ITGA9: variants seen among roughly 807,000 people sequenced by gnomAD.
ITGA9 encodes the protein integrin alpha-9.
A neutral mutation model predicts 127.8 loss-of-function variants in ITGA9; 56 were observed. The ratio of observed to expected loss-of-function variants is 0.44; its 90% CI spans 0.35 to 0.55. The LOEUF (loss-of-function observed/expected upper bound fraction) is 0.55, where lower values mean the gene tolerates loss of function less well. Among genes scored for constraint, ITGA9 ranks in the 20% least tolerant of loss-of-function variants. The pLI is 0.00. For missense variants in ITGA9, 1,196 were observed against 1,347.1 expected, an observed-to-expected ratio of 0.89 and a Z score of 1.76; for synonymous variants, 508 against 514.5, an observed-to-expected ratio of 0.99 and a Z score of 0.17.
intron 15 of ITGA9, among the ~76,000 whole-genome samples, chr3:37,566,159 C>G (rs1042361477): frequency 2.6e-5 from 4 of 152,188 alleles, no homozygotes; most frequent in Non-Finnish European, 4.4e-5. Flanking sequence ...AATAGTCCCC[C>G]CTTATCCATT....
intron 14 of ITGA9, among the ~76,000 whole-genome samples, chr3:37,535,531 G>T (rs1699199500): frequency 6.6e-6 from 1 of 152,224 alleles, no homozygotes; most frequent in South Asian, 2.1e-4. Context: ...CATAGCCCCA[G>T]AAGTGTTGGG....
chr3:37,568,557 T>C (rs1699571154), intron 15 of ITGA9, among the ~76,000 whole-genome samples: 1 of 152,248 alleles, frequency 6.6e-6, no homozygotes, highest in Non-Finnish European at 1.5e-5. Flanking sequence ...GTTTTCTTTT[T>C]AAAACTGAAT....
intron 4 of ITGA9, among the ~76,000 whole-genome samples, chr3:37,482,777 G>A (rs1184028615): frequency 6.6e-6 from 1 of 152,220 alleles, no homozygotes; most frequent in Non-Finnish European, 1.5e-5. Context: ...CTCCCCTATA[G>A]AGTGAGCCTT....
intron 27 of ITGA9, among the ~76,000 whole-genome samples, chr3:37,812,491 A>AT (rs1697379998): frequency 3.3e-5 from 5 of 152,220 alleles, no homozygotes; most frequent in Non-Finnish European, 7.3e-5. Context: ...CCCAGAACTC[A>AT]GTCAGGCCTC....
intron 3 of ITGA9, among the ~76,000 whole-genome samples, chr3:37,478,556 A>T (rs1698518108): frequency 6.6e-6 from 1 of 152,158 alleles, no homozygotes. Flanking sequence ...TCTGAGTTTG[A>T]GCAAGTCTTG....
chr3:37,718,988 C>T (rs1219073977), intron 18 of ITGA9, among the ~76,000 whole-genome samples: 4 of 152,186 alleles, frequency 2.6e-5, no homozygotes, highest in African/African-American at 9.7e-5. Flanking sequence ...CCAGGTGGTT[C>T]CAGTGCACAC....
chr3:37,808,114 C>G (rs961502497), intron 27 of ITGA9: 2 of 152,160 alleles, frequency 1.3e-5, no homozygotes, highest in Admixed American at 6.5e-5. Context: ...TCATTCTCTT[C>G]CCACCGCAGA....
Position 37,452,300 on chromosome 3 carries a change from C to T in ITGA9, c.-75C>T, listed in dbSNP as rs1470975019. 7 of 852,092 alleles carry T rather than the reference C, an allele frequency of 8.2e-6. No individual in the cohort carries two copies. Among genetic ancestry groups the T allele is most frequent in the African/African-American group, 1.8e-5 (1 of 54,388 alleles). 52.8% of individuals were successfully genotyped at this position (852,092 alleles called of 1,614,324 possible). A position where few individuals can be genotyped will look rare whatever the true frequency, so the allele number is the denominator to read the frequency against. ...CTCCCGCCCCGGGGAGCTTCCTGGC[C>T]GTCGGCGGGCCCCGCGGCCCGCGCG... On this transcript the variant is annotated 5_prime_UTR_variant, in exon 1 of 28. Coordinates refer to ENST00000264741, the MANE Select transcript of ITGA9 (RefSeq NM_002207.3). This position sits in a 1 kb window ranked among gnomAD's most constrained non-coding sequence, Gnocchi z 7.3.
chr3:37,621,970 ATATT>A (rs1700132822), intron 15 of ITGA9, among the ~76,000 whole-genome samples: 1 of 152,138 alleles, frequency 6.6e-6, no homozygotes, highest in African/African-American at 2.4e-5. Context: ...TGTCAAGTCA[ATATT>A]TATAACTGAA....
chr3:37,823,215 ATGT>A lies in ITGA9; in HGVS notation c.*4234_*4236del, dbSNP rs1697534620. 6.6e-6 allele frequency: 1 copy of A among 152,142 alleles called. No individual in the cohort carries two copies. The highest frequency in any genetic ancestry group is 2.1e-4 in the South Asian group (1 of 4,826). 9.4% of individuals were successfully genotyped at this position (152,142 alleles called of 1,614,324 possible). ...CTGTGTTAAGGTTTTTTCTTTGTTGATGTTGTTGTTTTAATTCTAATGTGCACG... is the reference window on the plus strand; with the variant it reads ...CTGTGTTAAGGTTTTTTCTTTGTTGATGTTGTTTTAATTCTAATGTGCACG... On this transcript the variant is annotated 3_prime_UTR_variant, in exon 28 of 28. Coordinates refer to ENST00000264741, the MANE Select transcript of ITGA9 (RefSeq NM_002207.3).
At chr3:37,453,847 C>T (rs1265088787) in intron 1 of ITGA9, among the ~76,000 whole-genome samples, 1 of 152,204 alleles carries the variant, frequency 6.6e-6, no homozygotes, top group African/African-American at 2.4e-5. Context: ...AGGAGATCAG[C>T]CTTCAAGAGA....
intron 18 of ITGA9, among the ~76,000 whole-genome samples, chr3:37,711,386 G>T (rs2125678743): frequency 6.6e-6 from 1 of 152,280 alleles, no homozygotes; most frequent in East Asian, 1.9e-4. Flanking sequence ...TGACCTCTCA[G>T]AAGTCACATA....
chr3:37,556,150 G>A (rs1378553614), intron 15 of ITGA9, among the ~76,000 whole-genome samples: 1 of 152,184 alleles, frequency 6.6e-6, no homozygotes, highest in Admixed American at 6.5e-5. Context: ...GCCAGGCCAG[G>A]GTGGACCAGG....
intron 15 of ITGA9, among the ~76,000 whole-genome samples, chr3:37,621,983 A>C (rs1700132913): frequency 6.6e-6 from 1 of 152,148 alleles, no homozygotes; most frequent in East Asian, 1.9e-4. Flanking sequence ...TTTATAACTG[A>C]ACTAGTTCAA....
At chr3:37,667,505 GC>G (rs2125654774) in intron 17 of ITGA9, among the ~76,000 whole-genome samples, 1 of 152,316 alleles carries the variant, frequency 6.6e-6, no homozygotes, top group African/African-American at 2.4e-5. Flanking sequence ...AGATCCCTGA[GC>G]CCTGCATCAT....
chr3:37,481,427 G>T, intron 3 of ITGA9, 57 bp from the exon 4 acceptor site: 2 of 1,611,436 alleles, frequency 1.2e-6, no homozygotes, highest in Non-Finnish European at 1.7e-6. Flanking sequence ...ACAGGAGTCT[G>T]CTTTGTGATC....
rs1228465986 is a variant in ITGA9 at position 37,550,294 on chromosome 3, G to A, written c.1689+7709G>A. 2.0e-5 allele frequency among the ~76,000 whole-genome samples: 3 copies of A among 152,196 alleles called. No individual in the cohort carries two copies. In the East Asian group the frequency reaches 5.8e-4, roughly 29 times the overall value. On this transcript the variant is annotated intron_variant, in intron 15 of 27. Coordinates refer to ENST00000264741, the MANE Select transcript of ITGA9 (RefSeq NM_002207.3). ...ACAGGCTTTACATGAAGAAAGAGAG[G>A]TTAAGTAACCTGACTCAGGCTATGA...
At chr3:37,704,291 A>G (rs549685256) in intron 18 of ITGA9, among the ~76,000 whole-genome samples, 2 of 150,798 alleles carry the variant, frequency 1.3e-5, no homozygotes, top group Non-Finnish European at 3.0e-5. Context: ...CCAGCTCCCC[A>G]CCAGCCTCCC....
chr3:37,755,365 A>G, intron 23 of ITGA9, among the ~76,000 whole-genome samples: 1 of 152,166 alleles, frequency 6.6e-6, no homozygotes, highest in East Asian at 1.9e-4. Context: ...CAGACAGATG[A>G]GGAGTAGACC....
Sources: allele counts gnomAD v4.1 joint callset (sites outside exome capture counted in the v4.1 genomes callset), GRCh38; gene constraint gnomAD v4.1.1; non-coding constraint Gnocchi (gnomAD v3.1); transcripts MANE v1.5; gene names NCBI Gene and HGNC (gene_info 2026-07-23, HGNC 2026-07-21).